Variants in MYO5B observed in about 807,000 individuals in gnomAD.
The protein encoded by MYO5B is unconventional myosin-Vb.
Under a neutral mutation model 229.3 loss-of-function variants are expected in MYO5B, and 143 were observed. The ratio of observed to expected loss-of-function variants is 0.62; its 90% CI spans 0.54 to 0.72. MYO5B has a LOEUF of 0.72. Ranked by LOEUF, MYO5B falls within the 30% of genes least tolerant of loss-of-function variation. The probability of loss-of-function intolerance (pLI) is 0.00; values close to 1 mark genes in which losing one functional copy is unlikely to be tolerated. For missense variants in MYO5B, 2,321 were observed against 2,331.0 expected, an observed-to-expected ratio of 1.00 and a Z score of 0.09; for synonymous variants, 918 against 885.2, an observed-to-expected ratio of 1.04 and a Z score of -0.66.
intron 1 of MYO5B, among the ~76,000 whole-genome samples, chr18:50,156,900 C>T (rs547080224): frequency 3.9e-5 from 6 of 152,252 alleles, no homozygotes; most frequent in Admixed American, 6.5e-5. Flanking sequence ...CTTTATCCAA[C>T]GCTACTGTCA....
chr18:50,134,870 G>A (rs1372716431), intron 1 of MYO5B, among the ~76,000 whole-genome samples: 1 of 152,164 alleles, frequency 6.6e-6, no homozygotes, highest in African/African-American at 2.4e-5. Flanking sequence ...GATGCTTGAA[G>A]TCACTTAATC....
chr18:50,005,942 C>T (rs895928259), intron 4 of MYO5B, among the ~76,000 whole-genome samples: 3 of 152,190 alleles, frequency 2.0e-5, no homozygotes, highest in Admixed American at 1.3e-4. Flanking sequence ...CTTGTAAAGT[C>T]CCCCATTACT....
chr18:50,089,113 C>T (rs903663420), intron 1 of MYO5B, among the ~76,000 whole-genome samples: 3 of 152,170 alleles, frequency 2.0e-5, no homozygotes, highest in Non-Finnish European at 4.4e-5. Flanking sequence ...GGCACAGTGG[C>T]TCACACCTGT....
intron 21 of MYO5B, among the ~76,000 whole-genome samples, chr18:49,900,952 G>A (rs375487882): frequency 6.6e-6 from 1 of 152,176 alleles, no homozygotes; most frequent in African/African-American, 2.4e-5. Context: ...GCTCGGGTAG[G>A]ATCCTGGTCC....
intron 18 of MYO5B, among the ~76,000 whole-genome samples, chr18:49,909,983 G>A (rs2024939942): frequency 6.6e-6 from 1 of 152,166 alleles, no homozygotes; most frequent in Non-Finnish European, 1.5e-5. Context: ...TGTCCTCTAC[G>A]AAAAAGGACA....
At chr18:49,830,636 T>C (rs1342710508) in intron 39 of MYO5B, among the ~76,000 whole-genome samples, 2 of 151,814 alleles carry the variant, frequency 1.3e-5, no homozygotes, top group Non-Finnish European at 2.9e-5. Flanking sequence ...TCACCTGAGG[T>C]TGGGAGTTTG....
intron 8 of MYO5B, among the ~76,000 whole-genome samples, chr18:49,983,387 C>A (rs2025837107): frequency 6.6e-6 from 1 of 152,206 alleles, no homozygotes; most frequent in South Asian, 2.1e-4. Flanking sequence ...GCAGTGGCTT[C>A]TGAGCAGTTC....
chr18:49,833,888 T>A (rs1220281887), intron 39 of MYO5B, among the ~76,000 whole-genome samples: 1 of 152,178 alleles, frequency 6.6e-6, no homozygotes, highest in Non-Finnish European at 1.5e-5. Flanking sequence ...GTATACATGT[T>A]GGTGAGTAGA....
intron 14 of MYO5B, 27 bp downstream of exon 14, chr18:49,953,233 C>G (rs2025448472): frequency 2.5e-6 from 4 of 1,604,224 alleles, no homozygotes; most frequent in Middle Eastern, 1.6e-4. Context: ...CATTCCTGCT[C>G]CACTCCCCAC....
intron 17 of MYO5B, among the ~76,000 whole-genome samples, chr18:49,923,305 G>A (rs1232124082): frequency 1.3e-5 from 2 of 152,204 alleles, no homozygotes; most frequent in African/African-American, 4.8e-5. Flanking sequence ...GCTGGGCAGG[G>A]CCCATGACTT....
At chr18:49,874,767 T>C (rs1025238936) in intron 26 of MYO5B, among the ~76,000 whole-genome samples, 7 of 152,192 alleles carry the variant, frequency 4.6e-5, no homozygotes, top group African/African-American at 1.7e-4. Flanking sequence ...TGAGTTCAGC[T>C]GATGATATAA....
chr18:49,962,307 C>A lies in MYO5B; in HGVS notation c.1504G>T (p.Ala502Ser). The A allele has an allele frequency of 1.9e-6, 3 of 1,614,198 alleles. No individual in the cohort carries two copies. Among genetic ancestry groups the A allele is most frequent in the Non-Finnish European group, 2.5e-6 (3 of 1,180,026 alleles). Residue 502 changes from alanine (A) to serine (S), a missense_variant, in exon 12 of 40, where the codon GCC (alanine) becomes TCC (serine). Ala to Ser is a moderately conservative substitution (Grantham distance 99). Around this residue, in one of 2 missense-constraint regions of MYO5B, gnomAD observed 2,113 missense variants for 2,044.7 expected, o/e 1.03. Coordinates refer to ENST00000285039, the MANE Select transcript of MYO5B (RefSeq NM_001080467.3). ...AACAGGTCCAAGATACCCAGCTTGG[C>A]TTCAATGAGGTCGATACAAGGTTGG... The part of the protein sequence containing the change: ...DNQPCIDLIE[A>S]KLGILDLLDE...
intron 17 of MYO5B, among the ~76,000 whole-genome samples, chr18:49,928,872 A>G (rs1344884611): frequency 6.6e-6 from 1 of 152,228 alleles, no homozygotes; most frequent in Non-Finnish European, 1.5e-5. Flanking sequence ...CAGGAATGGA[A>G]AACAAAAGAT....
At chr18:50,027,284 T>A (rs1224176365) in intron 4 of MYO5B, among the ~76,000 whole-genome samples, 1 of 152,216 alleles carries the variant, frequency 6.6e-6, no homozygotes, top group East Asian at 1.9e-4. Flanking sequence ...CAAGTTTGAC[T>A]TTGACATCAG....
At position 50,020,788 on chromosome 18, in the gene MYO5B, AAT is replaced by A. The variant is rs1279323793; in HGVS notation, c.455+16060_455+16061del. On this transcript the variant is annotated intron_variant, in intron 4 of 39. Coordinates refer to ENST00000285039, the MANE Select transcript of MYO5B (RefSeq NM_001080467.3). ...GCATAGATGACTTTCTCTACCAGAAAATATATGTTTTAATAGTTTCTGACTCA... is the reference window on the plus strand; with the variant it reads ...GCATAGATGACTTTCTCTACCAGAAAATATGTTTTAATAGTTTCTGACTCA... Among the ~76,000 whole-genome samples, 4 of 152,214 alleles carry A rather than the reference AAT, an allele frequency of 2.6e-5. No individual in the cohort carries two copies. The East Asian group carries it at 7.7e-4, about 29-fold the overall frequency.
chr18:49,978,643 A>G (rs974427985), intron 9 of MYO5B, among the ~76,000 whole-genome samples: 2 of 149,250 alleles, frequency 1.3e-5, no homozygotes, highest in Non-Finnish European at 3.0e-5. Flanking sequence ...AACTGACCCT[A>G]CTCTTTCAGA....
At chr18:49,912,830 A>G (rs2024972914) in intron 17 of MYO5B, among the ~76,000 whole-genome samples, 1 of 152,240 alleles carries the variant, frequency 6.6e-6, no homozygotes, top group African/African-American at 2.4e-5. Context: ...CCAAGCATGC[A>G]GTGCTCCACT....
chr18:49,890,083 A>G (rs1408698845), intron 22 of MYO5B, among the ~76,000 whole-genome samples: 1 of 152,198 alleles, frequency 6.6e-6, no homozygotes, highest in Non-Finnish European at 1.5e-5. Flanking sequence ...GGAAAGGACC[A>G]ATCCCACACT....
At chr18:49,961,847 A>T (rs1286902213) in intron 12 of MYO5B, among the ~76,000 whole-genome samples, 3 of 152,234 alleles carry the variant, frequency 2.0e-5, no homozygotes, top group Non-Finnish European at 4.4e-5. Flanking sequence ...TATGAATTTC[A>T]CCTGCCACCA....
Sources: allele counts gnomAD v4.1 joint callset (sites outside exome capture counted in the v4.1 genomes callset), GRCh38; gene constraint gnomAD v4.1.1; regional missense constraint gnomAD v4.1.1; transcripts MANE v1.5; gene names NCBI Gene and HGNC (gene_info 2026-07-23, HGNC 2026-07-21).